The following ADGB variants were observed in gnomAD, a reference collection of about 807,000 sequenced individuals.
The protein encoded by ADGB is calpain-7-like protein.
A neutral mutation model predicts 210.5 loss-of-function variants in ADGB; 172 were observed. The observed-to-expected ratio is 0.82, with a 90% CI of 0.72 to 0.93. ADGB has a LOEUF of 0.93. Among genes scored for constraint, ADGB ranks in the 40% least tolerant of loss-of-function variants. The pLI is 0.00. For synonymous variants in ADGB, 658 were observed against 662.7 expected, an observed-to-expected ratio of 0.99 and a Z score of 0.11; for missense variants, 2,025 against 1,964.8, an observed-to-expected ratio of 1.03 and a Z score of -0.58.
chr6:146,676,671 A>G (rs1379408753), intron 9 of ADGB, among the ~76,000 whole-genome samples: 1 of 152,196 alleles, frequency 6.6e-6, no homozygotes, highest in Non-Finnish European at 1.5e-5. Context: ...AAGTATCCAC[A>G]TGTGGGAGAG....
chr6:146,672,289 G>T lies in ADGB; in HGVS notation c.909G>T (p.Glu303Asp). The T allele has an allele frequency of 1.9e-6, 3 of 1,551,078 alleles. No homozygotes were observed. The highest frequency in any genetic ancestry group is 8.7e-7 in the Non-Finnish European group (1 of 1,146,702). The change falls in exon 8 of 36, where the codon GAG (glutamate) becomes GAT (aspartate). Residue 303 changes from glutamate to aspartate, a missense_variant. By Grantham distance (45) the Glu-to-Asp change is conservative (BLOSUM62 2). Transcript: ENST00000397944. Reference protein sequence around the residue: ...EILPEFKLSDEASSESKIAVL... With the variant: ...EILPEFKLSDDASSESKIAVL... ...TGCCTGAGTTTAAGCTGTCAGATGA[G>T]GCCAGCTCTGAAAGCAAAATAGCAG...
At chr6:146,711,286 A>G (rs1425130361) in intron 13 of ADGB, among the ~76,000 whole-genome samples, 1 of 152,174 alleles carries the variant, frequency 6.6e-6, no homozygotes, top group Non-Finnish European at 1.5e-5. Flanking sequence ...TCCAAACACT[A>G]CAAAAATTAT....
intron 9 of ADGB, among the ~76,000 whole-genome samples, chr6:146,678,225 G>A (rs1490927370): frequency 6.6e-6 from 1 of 152,066 alleles, no homozygotes; most frequent in Non-Finnish European, 1.5e-5. Context: ...TATATTGTTT[G>A]TTTGTTTATT....
chr6:146,740,669 A>T (rs1777152536), intron 24 of ADGB, 76 bp downstream of exon 24: 3 of 1,439,216 alleles, frequency 2.1e-6, no homozygotes, highest in Middle Eastern at 2.0e-4. Flanking sequence ...TTCTGATAGT[A>T]GTAAAGGTAT....
Position 146,763,996 on chromosome 6 carries a change from A to C in ADGB, c.3646A>C (p.Lys1216Gln). Residue 1216 changes from lysine to glutamine, a missense_variant, in exon 28 of 36, where the codon AAG (lysine) becomes CAG (glutamine). Transcript: ENST00000397944. ...KAAQGIQKSP[K>Q]GRAVSAIQDI... ...TGCTCAGGGAATTCAGAAATCCCCCAAGGGTAGAGCTGTAAGTGCAATACA... is the reference window on the plus strand; with the variant it reads ...TGCTCAGGGAATTCAGAAATCCCCCCAGGGTAGAGCTGTAAGTGCAATACA... 6.4e-7 allele frequency: 1 copy of C among 1,551,514 alleles called. No individual in the cohort carries two copies. Among genetic ancestry groups the C allele is most frequent in the Non-Finnish European group, 8.7e-7 (1 of 1,146,866 alleles).
At position 146,788,583 on chromosome 6, in the gene ADGB, G is replaced by C; in HGVS notation, c.4510G>C (p.Glu1504Gln). 1 of 1,551,710 alleles carries C rather than the reference G, an allele frequency of 6.4e-7. No homozygotes were observed. Among genetic ancestry groups the C allele is most frequent in the Non-Finnish European group, 8.7e-7 (1 of 1,146,940 alleles). Residue 1504 changes from glutamate to glutamine, a missense_variant, in exon 33 of 36, where the codon GAG (glutamate) becomes CAG (glutamine). Coordinates refer to ENST00000397944, the MANE Select transcript of ADGB (RefSeq NM_024694.4). ...GVSSPGKEER[E>Q]QSTRKENIQT... ...GTCTTCACCAGGGAAAGAAGAGCGC[G>C]AGCAGAGCACACGGAAGGAAAACAT...
intron 12 of ADGB, among the ~76,000 whole-genome samples, chr6:146,693,855 T>G (rs1212509705): frequency 6.6e-6 from 1 of 152,174 alleles, no homozygotes; most frequent in Non-Finnish European, 1.5e-5. Context: ...TCAGCCAAAG[T>G]CTTTGCCTAA....
chr6:146,613,842 GT>G (rs1241732199), intron 1 of ADGB, among the ~76,000 whole-genome samples: 5 of 151,778 alleles, frequency 3.3e-5, no homozygotes, highest in Admixed American at 2.0e-4. Context: ...GTGCTTTTAA[GT>G]TTTAAATAAT....
intron 12 of ADGB, among the ~76,000 whole-genome samples, chr6:146,697,118 G>T (rs900206742): frequency 6.6e-6 from 1 of 152,012 alleles, no homozygotes; most frequent in Admixed American, 6.6e-5. Flanking sequence ...AGAGAAAGGG[G>T]GAAGGAGGAG....
intron 33 of ADGB, among the ~76,000 whole-genome samples, chr6:146,795,177 A>G (rs556866795): frequency 1.3e-5 from 2 of 152,222 alleles, no homozygotes; most frequent in Non-Finnish European, 2.9e-5. Flanking sequence ...GAAAACCCAC[A>G]ATAATCCCTT....
chr6:146,764,041 G>C lies in ADGB; in HGVS notation c.3691G>C (p.Val1231Leu), dbSNP rs1216490909. The C allele has an allele frequency of 1.9e-6, 3 of 1,551,364 alleles. No homozygotes were observed. In the East Asian group the frequency reaches 7.3e-5, roughly 38 times the overall value. Reference protein sequence around the residue: ...SAIQDIGLPLVEEETTSTPTR... With the variant: ...SAIQDIGLPLLEEETTSTPTR... ...AATACAAGACATTGGTCTACCCCTT[G>C]TGGAGGAGGAAACTACCAGTACACC... The change falls in exon 28 of 36, where the codon GTG becomes CTG. Residue 1231 changes from valine to leucine, a missense_variant. Coordinates refer to ENST00000397944, the MANE Select transcript of ADGB (RefSeq NM_024694.4).
At chr6:146,601,650 C>A (rs527973905) in intron 1 of ADGB, among the ~76,000 whole-genome samples, 2 of 152,050 alleles carry the variant, frequency 1.3e-5, no homozygotes, top group African/African-American at 4.8e-5. Flanking sequence ...CCAATAAATG[C>A]GACCAACTCT....
At chr6:146,735,874 AG>A (rs1777072220) in intron 22 of ADGB, among the ~76,000 whole-genome samples, 1 of 152,204 alleles carries the variant, frequency 6.6e-6, no homozygotes, top group South Asian at 2.1e-4. Context: ...GAAACAGACA[AG>A]GTTTCTACTC....
Position 146,718,261 on chromosome 6 carries a change from C to T in ADGB, c.1992+662C>T, listed in dbSNP as rs192156840. Among the ~76,000 whole-genome samples, 80 of 148,216 alleles carry T rather than the reference C, an allele frequency of 5.4e-4. No homozygotes were observed. In the East Asian group the frequency reaches 7.4e-3, roughly 14 times the overall value. ...ACTCAGGAGGCTGAGGCAGGAGAAT[C>T]GCTTGAACCTGGGAGGCAGAGGTTG... On this transcript the variant is annotated intron_variant, in intron 16 of 35. Coordinates refer to ENST00000397944, the MANE Select transcript of ADGB (RefSeq NM_024694.4).
intron 29 of ADGB, among the ~76,000 whole-genome samples, chr6:146,776,242 A>G (rs1216159644): frequency 1.3e-5 from 2 of 152,148 alleles, no homozygotes; most frequent in Non-Finnish European, 2.9e-5. Flanking sequence ...ATGTGAAGTA[A>G]CATGTTTCAT....
intron 8 of ADGB, among the ~76,000 whole-genome samples, chr6:146,672,738 T>G (rs2114903704): frequency 6.6e-6 from 1 of 151,174 alleles, no homozygotes; most frequent in Non-Finnish European, 1.5e-5. Context: ...TTTTTTTTTT[T>G]TTTCTTTTTG....
chr6:146,653,391 G>C (rs1268595862), intron 3 of ADGB, among the ~76,000 whole-genome samples: 1 of 152,090 alleles, frequency 6.6e-6, no homozygotes, highest in African/African-American at 2.4e-5. Flanking sequence ...CATTAGACTG[G>C]TCCCTGGTGC....
intron 13 of ADGB, among the ~76,000 whole-genome samples, chr6:146,714,561 C>T (rs143009529): frequency 1.3e-5 from 2 of 152,152 alleles, no homozygotes; most frequent in Non-Finnish European, 2.9e-5. Context: ...CCACTTGAAG[C>T]AATTTCAAGT....
chr6:146,651,811 A>AG (rs1452074727), intron 3 of ADGB, among the ~76,000 whole-genome samples: 9 of 152,158 alleles, frequency 5.9e-5, no homozygotes, highest in African/African-American at 2.2e-4. Context: ...GTGGGAAAGG[A>AG]GGGAAACTAA....
Sources: allele counts gnomAD v4.1 joint callset (sites outside exome capture counted in the v4.1 genomes callset), GRCh38; gene constraint gnomAD v4.1.1; transcripts MANE v1.5; gene names NCBI Gene and HGNC (gene_info 2026-07-23, HGNC 2026-07-21).